The following TG variants were observed in gnomAD, a reference collection of about 807,000 sequenced individuals.
The protein encoded by TG is thyroglobulin.
A neutral mutation model predicts 324.7 loss-of-function variants in TG; 270 were observed. The observed-to-expected ratio is 0.83, with a 90% CI of 0.75 to 0.92. The LOEUF is 0.92. TG is among the 40% of genes least tolerant of loss of function. The pLI is 0.00. For missense variants in TG, 3,591 were observed against 3,456.4 expected (o/e 1.04, Z -0.98); for synonymous variants, 1,401 against 1,327.0 (o/e 1.06, Z -1.21).
intron 30 of TG, 36 bp downstream of exon 30, chr8:132,966,733 A>G (rs1446899571): frequency 1.2e-6 from 2 of 1,613,170 alleles, no homozygotes; most frequent in East Asian, 2.2e-5. Flanking sequence ...CTTCTTCCAG[A>G]CACTGTAGTC....
chr8:132,941,093 C>G (rs562335002), intron 25 of TG, among the ~76,000 whole-genome samples: 1 of 152,246 alleles, frequency 6.6e-6, no homozygotes, highest in Admixed American at 6.5e-5. Context: ...CTACACATAC[C>G]CTTTGGACCC....
At chr8:132,932,368 C>A (rs145837930) in intron 23 of TG, among the ~76,000 whole-genome samples, 2 of 152,110 alleles carry the variant, frequency 1.3e-5, no homozygotes, top group Non-Finnish European at 2.9e-5. Flanking sequence ...GGCTTTCCCT[C>A]GCCTTTCAGC....
chr8:133,133,607 A>C lies in TG; in HGVS notation c.8135A>C (p.Lys2712Thr). The C allele has an allele frequency of 6.2e-7, 1 of 1,614,240 alleles. No individual in the cohort carries two copies. The highest frequency in any genetic ancestry group is 8.5e-7 in the Non-Finnish European group (1 of 1,180,036). Residue 2712 changes from lysine to threonine, a missense_variant, in exon 47 of 48, where the codon AAA becomes ACA. Coordinates refer to ENST00000220616, the MANE Select transcript of TG (RefSeq NM_003235.5). ...ELLPNRQGLKKADCSFWSKYI... is the reference protein window; with the variant it reads ...ELLPNRQGLKTADCSFWSKYI... ...CTCCCCAATCGACAGGGCCTGAAGAAAGCCGACTGCTCCTTCTGGTCCAAG... is the reference window on the plus strand; with the variant it reads ...CTCCCCAATCGACAGGGCCTGAAGACAGCCGACTGCTCCTTCTGGTCCAAG...
chr8:132,940,869 G>T (rs915401484), intron 25 of TG, among the ~76,000 whole-genome samples: 1 of 152,236 alleles, frequency 6.6e-6, no homozygotes, highest in Non-Finnish European at 1.5e-5. Context: ...TGTAGATAGT[G>T]CAAGCAATGT....
At chr8:133,052,181 G>A (rs1380098492) in intron 41 of TG, among the ~76,000 whole-genome samples, 1 of 152,136 alleles carries the variant, frequency 6.6e-6, no homozygotes, top group Non-Finnish European at 1.5e-5. Flanking sequence ...TAAGCCTCTT[G>A]GGCAGACTAA....
chr8:133,081,446 A>G (rs1006230297), intron 41 of TG, among the ~76,000 whole-genome samples: 2 of 152,188 alleles, frequency 1.3e-5, no homozygotes, highest in Admixed American at 6.5e-5. Flanking sequence ...ATAAAAGTTT[A>G]TGTTTCTGGA....
chr8:133,001,927 T>G, intron 35 of TG: 5 of 984,066 alleles, frequency 5.1e-6, no homozygotes, highest in Non-Finnish European at 6.0e-6. Context: ...TGATGAGTGC[T>G]GAGCAGCTGA....
chr8:132,971,384 A>G (rs1829502375), intron 32 of TG, among the ~76,000 whole-genome samples: 1 of 151,734 alleles, frequency 6.6e-6, no homozygotes, highest in Admixed American at 6.6e-5. Context: ...AAGCCTATGG[A>G]CTCTCCTCTT....
intron 27 of TG, among the ~76,000 whole-genome samples, chr8:132,958,172 A>G (rs1827207410): frequency 1.3e-5 from 2 of 152,236 alleles, no homozygotes; most frequent in African/African-American, 4.8e-5. Context: ...TGAGAGCAAT[A>G]CAATACTCTA....
intron 41 of TG, among the ~76,000 whole-genome samples, chr8:133,059,893 C>A (rs1445130025): frequency 6.6e-6 from 1 of 152,200 alleles, no homozygotes; most frequent in East Asian, 1.9e-4. Context: ...AGATTTGACA[C>A]CCTTCAGGTG....
intron 41 of TG, chr8:133,059,230 A>G (rs2131318202): frequency 2.3e-6 from 1 of 438,952 alleles, no homozygotes; most frequent in Non-Finnish European, 4.6e-6. Flanking sequence ...AAATGCTACC[A>G]TGTAAGGTGG....
At chr8:132,929,405 G>A (rs112512841) in intron 23 of TG, among the ~76,000 whole-genome samples, 3 of 152,260 alleles carry the variant, frequency 2.0e-5, no homozygotes, top group African/African-American at 7.2e-5. Context: ...CTATCCACAT[G>A]GCACATGTTA....
intron 22 of TG, among the ~76,000 whole-genome samples, chr8:132,928,599 C>A (rs1020568733): frequency 6.6e-6 from 1 of 152,184 alleles, no homozygotes; most frequent in Non-Finnish European, 1.5e-5. Flanking sequence ...CTTAACCAAT[C>A]TTAAAAATGC....
At chr8:133,117,215 G>T (rs945030637) in intron 45 of TG, among the ~76,000 whole-genome samples, 1 of 152,160 alleles carries the variant, frequency 6.6e-6, no homozygotes, top group African/African-American at 2.4e-5. Context: ...CAAGTGAAAG[G>T]AAACCAACCA....
chr8:133,037,790 A>C (rs1837363049), intron 41 of TG: 1 of 152,362 alleles, frequency 6.6e-6, no homozygotes, highest in Admixed American at 6.5e-5. Flanking sequence ...GGCTGCAGAC[A>C]TCAGGGAAGC....
chr8:133,114,261 A>G (rs1291865897), intron 44 of TG, among the ~76,000 whole-genome samples: 3 of 152,122 alleles, frequency 2.0e-5, no homozygotes, highest in Non-Finnish European at 4.4e-5. Context: ...CACTGCTTAC[A>G]TGCCTTGTCC....
intron 24 of TG, among the ~76,000 whole-genome samples, chr8:132,935,413 G>A (rs1439768139): frequency 6.6e-6 from 1 of 151,938 alleles, no homozygotes; most frequent in Admixed American, 6.6e-5. Context: ...CAAAGTGCTG[G>A]GATTACAGGT....
intron 31 of TG, among the ~76,000 whole-genome samples, chr8:132,968,264 A>C (rs1477012744): frequency 1.3e-5 from 2 of 152,220 alleles, no homozygotes; most frequent in Admixed American, 6.5e-5. Flanking sequence ...ACTTAAAACT[A>C]ATTTATTCTT....
intron 41 of TG, among the ~76,000 whole-genome samples, chr8:133,052,185 A>T (rs962354278): frequency 6.6e-6 from 1 of 152,236 alleles, no homozygotes; most frequent in Admixed American, 6.5e-5. Context: ...CCTCTTGGGC[A>T]GACTAAGTCT....
Sources: gnomAD v4.1 joint callset for allele counts (sites outside exome capture counted in the v4.1 genomes callset) on GRCh38, gnomAD v4.1.1 for gene constraint, MANE v1.5 for transcripts, NCBI Gene and HGNC (gene_info 2026-07-23, HGNC 2026-07-21) for gene names.